The following FER1L5 variants were observed in gnomAD, a reference collection of about 807,000 sequenced individuals.
FER1L5 encodes the protein fer-1-like protein 5.
Under a neutral mutation model 279.9 loss-of-function variants are expected in FER1L5, and 187 were observed. The observed-to-expected ratio is 0.67, with a 90% CI of 0.59 to 0.75. The LOEUF is 0.75. FER1L5 is among the 30% of genes least tolerant of loss of function. The pLI is 0.00. For missense variants in FER1L5, 2,091 were observed against 2,594.4 expected (o/e 0.81, Z 4.21); for synonymous variants, 921 against 989.7 (o/e 0.93, Z 1.30).
chr2:96,670,318 A>G, intron 18 of FER1L5, 71 bp downstream of exon 18: 1 of 1,533,396 alleles, frequency 6.5e-7, no homozygotes, highest in Non-Finnish European at 8.8e-7. Context: ...TGTGGATCCC[A>G]GTTTCTGACC....
intron 1 of FER1L5, 113 bp from the exon 2 acceptor site, chr2:96,646,288 A>G (rs1174634365): frequency 5.3e-6 from 6 of 1,141,792 alleles, no homozygotes; most frequent in Non-Finnish European, 6.3e-6. Context: ...GTTAGCCACC[A>G]TGCCCGGCCG....
At chr2:96,695,037 A>G (rs1232578404) in intron 34 of FER1L5, 1 of 156,856 alleles carries the variant, frequency 6.4e-6, no homozygotes, top group Non-Finnish European at 1.4e-5. Flanking sequence ...GTCAGGGTGC[A>G]GCTATTTCCT....
chr2:96,669,062 G>GCCCTGCTTTGGC lies in FER1L5; in HGVS notation c.1291_1302dup (p.Cys431_Pro434dup), dbSNP rs1289317738. On this transcript the variant is annotated inframe_insertion, in exon 17 of 53. Coordinates refer to ENST00000624922, the MANE Select transcript of FER1L5 (RefSeq NM_001293083.2). ...TTCCAGGAGTGTACTCCGGCTTCCT[G>GCCCTGCTTTGGC]CCCTGCTTTGGCCCCAGCTTCCTGA... is the stretch of plus-strand genomic sequence containing the variant. The GCCCTGCTTTGGC allele has an allele frequency of 5.8e-6, 9 of 1,551,556 alleles. No individual in the cohort carries two copies.
intron 14 of FER1L5, among the ~76,000 whole-genome samples, chr2:96,666,295 G>C (rs1158967658): frequency 1.3e-5 from 2 of 150,296 alleles, no homozygotes; most frequent in Admixed American, 6.7e-5. Flanking sequence ...TGGATGGAAA[G>C]GTGGTTCCGC....
Position 96,690,563 on chromosome 2 carries a change from A to T in FER1L5, c.2717A>T (p.Glu906Val). Residue 906 changes from glutamate (E) to valine (V), a missense_variant, in exon 27 of 53, where the codon GAG becomes GTG. Transcript: ENST00000624922. Reference sequence around the variant, plus strand: ...CACTTTAAGAAGGACTGGGTGGTGGAGCTGAACCACGCAGTGGACAGTAAG... The same window carrying T: ...CACTTTAAGAAGGACTGGGTGGTGGTGCTGAACCACGCAGTGGACAGTAAG... ...GWHFKKDWVV[E>V]LNHAVDSKGW... is the part of the protein sequence containing the mutation. The T allele has an allele frequency of 6.4e-7, 1 of 1,551,652 alleles. No homozygotes were observed. Among genetic ancestry groups the T allele is most frequent in the Non-Finnish European group, 8.7e-7 (1 of 1,146,968 alleles).
chr2:96,649,328 A>T (rs920522284), intron 4 of FER1L5, among the ~76,000 whole-genome samples: 1 of 150,946 alleles, frequency 6.6e-6, no homozygotes, highest in Non-Finnish European at 1.5e-5. Context: ...GGCTCAAGTC[A>T]CCTCTCCCTC....
intron 37 of FER1L5, 136 bp from the exon 38 acceptor site, chr2:96,697,390 C>T: frequency 1.1e-6 from 1 of 879,304 alleles, no homozygotes; most frequent in Non-Finnish European, 1.8e-6. Context: ...TCTAAAGACC[C>T]CTGAATTAAA....
chr2:96,670,661 C>T (rs1335542218), intron 18 of FER1L5, among the ~76,000 whole-genome samples: 5 of 151,988 alleles, frequency 3.3e-5, no homozygotes, highest in Non-Finnish European at 7.4e-5. Context: ...TGGTGCACGC[C>T]TGTAGTCCCA....
At chr2:96,659,299 T>TTCCC (rs2075741282) in intron 9 of FER1L5, among the ~76,000 whole-genome samples, 3 of 28,786 alleles carry the variant, frequency 1.0e-4, no homozygotes, top group Non-Finnish European at 7.6e-5. Context: ...CTTTCCTTCC[T>TTCCC]TCCTTCCTTC....
chr2:96,695,941 C>A (rs750492104), intron 36 of FER1L5, 37 bp downstream of exon 36: 1 of 1,609,986 alleles, frequency 6.2e-7, no homozygotes, highest in Non-Finnish European at 8.5e-7. Flanking sequence ...CCAGGCCTCA[C>A]AAGCGAGCCT....
At chr2:96,648,231 G>A (rs2075219423) in intron 4 of FER1L5, among the ~76,000 whole-genome samples, 1 of 152,232 alleles carries the variant, frequency 6.6e-6, no homozygotes, top group Non-Finnish European at 1.5e-5. Context: ...TCAGGAGGGA[G>A]TGAACAATTT....
At position 96,650,284 on chromosome 2, in the gene FER1L5, T is replaced by C. The variant is rs2075307961; in HGVS notation, c.499T>C (p.Phe167Leu). Residue 167 changes from phenylalanine to leucine, a missense_variant, in exon 6 of 53, where the codon TTT becomes CTT. Coordinates refer to ENST00000624922, the MANE Select transcript of FER1L5 (RefSeq NM_001293083.2). ...HRALSSKPQH[F>L]QVRVKVFEAR... is the part of the protein sequence containing the mutation. ...GGCTCTGTCCTCAAAGCCTCAGCAC[T>C]TTCAGGTGAGGACCTTCCAGGTTGC... 1.3e-6 allele frequency: 2 copies of C among 1,551,416 alleles called. No individual in the cohort carries two copies. The highest frequency in any genetic ancestry group is 2.4e-5 in the South Asian group (2 of 84,064).
chr2:96,643,301 A>G (rs1168450928), intron 1 of FER1L5, among the ~76,000 whole-genome samples: 2 of 152,216 alleles, frequency 1.3e-5, no homozygotes, highest in East Asian at 3.8e-4. Flanking sequence ...TGATCATATT[A>G]GTTTCATTTG....
At chr2:96,672,873 G>A (rs2076379708) in intron 18 of FER1L5, among the ~76,000 whole-genome samples, 1 of 152,174 alleles carries the variant, frequency 6.6e-6, no homozygotes, top group African/African-American at 2.4e-5. Context: ...GCCAGGGCTG[G>A]CTGGGTGGAG....
At chr2:96,692,758 T>G (rs1230267148) in intron 31 of FER1L5, among the ~76,000 whole-genome samples, 2 of 151,690 alleles carry the variant, frequency 1.3e-5, no homozygotes, top group African/African-American at 4.8e-5. Flanking sequence ...CTTATTGCTG[T>G]TTGTAGGGAG....
In FER1L5 at chr2:96,699,730, G is replaced by A; in HGVS notation, c.4781+10G>A. 6.2e-7 allele frequency: 1 copy of A among 1,613,624 alleles called. No homozygotes were observed. Among genetic ancestry groups the A allele is most frequent in the Non-Finnish European group, 8.5e-7 (1 of 1,179,660 alleles). On this transcript the variant is annotated intron_variant, in intron 43 of 52. Transcript: ENST00000624922. ...CCAAATCCTACTGCCAGTGAGAGTG[G>A]GCCCGTCTGGGGGAAGGGAGTCAGG...
At chr2:96,675,560 G>C (rs556814963) in intron 19 of FER1L5, among the ~76,000 whole-genome samples, 17 of 152,252 alleles carry the variant, frequency 1.1e-4, no homozygotes, top group African/African-American at 3.4e-4. Flanking sequence ...CCAAGTAGCT[G>C]GGATTACAGG....
intron 44 of FER1L5, 94 bp from the exon 45 acceptor site, chr2:96,700,238 T>C: frequency 6.3e-7 from 1 of 1,580,970 alleles, no homozygotes; most frequent in Non-Finnish European, 8.6e-7. Flanking sequence ...CCTTCACTCC[T>C]ACCCAGGCTG....
chr2:96,697,862 C>A, intron 39 of FER1L5, 101 bp downstream of exon 39: 3 of 1,478,928 alleles, frequency 2.0e-6, no homozygotes, highest in Admixed American at 2.0e-5. Flanking sequence ...TGGGAAGGTT[C>A]CCGCACTGTC....
Sources: gnomAD v4.1 joint callset for allele counts (sites outside exome capture counted in the v4.1 genomes callset) on GRCh38, gnomAD v4.1.1 for gene constraint, MANE v1.5 for transcripts, NCBI Gene and HGNC (gene_info 2026-07-23, HGNC 2026-07-21) for gene names.